The following DLG2 variants were observed in gnomAD, a reference collection of about 807,000 sequenced individuals.
DLG2 encodes disks large homolog 2.
In DLG2, 45 loss-of-function variants were observed where a neutral mutation model predicts 132.5. The ratio of observed to expected loss-of-function variants is 0.34; its 90% CI spans 0.27 to 0.44. The LOEUF is 0.44. Among genes scored for constraint, DLG2 ranks in the 20% least tolerant of loss-of-function variants. The pLI, the probability that DLG2 is intolerant of heterozygous loss-of-function variation, is 1.00. For synonymous variants in DLG2, 424 were observed against 419.6 expected, an observed-to-expected ratio of 1.01 and a Z score of -0.13; for missense variants, 1,045 against 1,196.9, an observed-to-expected ratio of 0.87 and a Z score of 1.87.
chr11:84,338,026 C>T (rs1056928525), intron 7 of DLG2, among the ~76,000 whole-genome samples: 5 of 152,036 alleles, frequency 3.3e-5, no homozygotes, highest in Non-Finnish European at 7.4e-5. Context: ...AAATATAAAA[C>T]TCATTGAAAG....
chr11:85,392,029 C>G (rs1315836443), intron 3 of DLG2, among the ~76,000 whole-genome samples: 1 of 151,974 alleles, frequency 6.6e-6, no homozygotes, highest in Admixed American at 6.6e-5. Context: ...GATTACATAC[C>G]TAGAAAACCC....
chr11:83,471,593 G>A, intron 24 of DLG2, 33 bp downstream of exon 24: 1 of 1,500,312 alleles, frequency 6.7e-7, no homozygotes, highest in Non-Finnish European at 9.3e-7. Flanking sequence ...AGCTCTTTTT[G>A]TTTTTCCTAG....
At chr11:85,183,303 T>A (rs547770975) in intron 4 of DLG2, among the ~76,000 whole-genome samples, 33 of 152,020 alleles carry the variant, frequency 2.2e-4, no homozygotes, top group African/African-American at 7.9e-4. Context: ...TCATTACCAT[T>A]GTTAATTAAC....
intron 18 of DLG2, among the ~76,000 whole-genome samples, chr11:83,769,657 G>A (rs970011708): frequency 6.0e-5 from 9 of 149,960 alleles, no homozygotes; most frequent in East Asian, 2.0e-4. Flanking sequence ...TTCTCTTTCC[G>A]GGGTCAAACT....
intron 6 of DLG2, among the ~76,000 whole-genome samples, chr11:84,755,488 A>G (rs1225099953): frequency 6.6e-6 from 1 of 152,158 alleles, no homozygotes; most frequent in African/African-American, 2.4e-5. Context: ...TAGTGGCACA[A>G]CCTCGGCTCA....
intron 15 of DLG2, among the ~76,000 whole-genome samples, chr11:83,928,600 A>T (rs956738562): frequency 6.6e-6 from 1 of 151,960 alleles, no homozygotes; most frequent in African/African-American, 2.4e-5. Context: ...ATGGGGGGAA[A>T]TTTTTTTCCA....
chr11:83,651,836 T>C (rs1298078704), intron 18 of DLG2: 1 of 471,038 alleles, frequency 2.1e-6, no homozygotes, highest in African/African-American at 2.0e-5. Context: ...ATTTGCTCCC[T>C]ACCTGGCTCA....
intron 3 of DLG2, among the ~76,000 whole-genome samples, chr11:85,288,358 T>C (rs1159526605): frequency 6.6e-6 from 1 of 152,110 alleles, no homozygotes; most frequent in Non-Finnish European, 1.5e-5. Flanking sequence ...TCTGTACAGA[T>C]ATACATCTTT....
chr11:84,095,956 G>T (rs1483636519), intron 10 of DLG2, among the ~76,000 whole-genome samples: 1 of 151,990 alleles, frequency 6.6e-6, no homozygotes, highest in East Asian at 1.9e-4. Context: ...ATGGGTAGAG[G>T]CCAAAAAAAG....
intron 7 of DLG2, among the ~76,000 whole-genome samples, chr11:84,396,502 C>T (rs2098811569): frequency 6.6e-6 from 1 of 152,076 alleles, no homozygotes; most frequent in Admixed American, 6.5e-5. Flanking sequence ...TGAATGAGAA[C>T]CCTTCTACTC....
At chr11:85,230,889 C>A (rs757775358) in intron 4 of DLG2, among the ~76,000 whole-genome samples, 5 of 151,896 alleles carry the variant, frequency 3.3e-5, no homozygotes, top group Non-Finnish European at 7.4e-5. Flanking sequence ...TTTTGACCTG[C>A]TCCTCTTCCA....
intron 6 of DLG2, among the ~76,000 whole-genome samples, chr11:84,591,223 C>CTCTGTGTGTGTGTGTGTGTG (rs1555073566): frequency 6.5e-4 from 90 of 139,286 alleles, no homozygotes; most frequent in Non-Finnish European, 9.8e-4. Flanking sequence ...ATGTGTCTCT[C>CTCTGTGTGTGTGTGTGTGTG]TGTGTGTGTG....
intron 11 of DLG2, among the ~76,000 whole-genome samples, chr11:83,982,744 C>A (rs975018236): frequency 6.6e-6 from 1 of 152,122 alleles, no homozygotes. Context: ...ACTCATTACT[C>A]ATTCACTGAT....
intron 10 of DLG2, among the ~76,000 whole-genome samples, chr11:84,071,735 G>T (rs1458074659): frequency 6.6e-6 from 1 of 152,156 alleles, no homozygotes; most frequent in East Asian, 1.9e-4. Flanking sequence ...GTCCTCAATT[G>T]CTCTCCATTG....
intron 3 of DLG2, among the ~76,000 whole-genome samples, chr11:85,533,344 A>AT (rs925981625): frequency 8.6e-5 from 13 of 151,172 alleles, no homozygotes; most frequent in East Asian, 1.9e-4. Context: ...TTTTATTGTG[A>AT]TTTTTTTTAA....
chr11:85,222,194 G>T (rs767369437), intron 4 of DLG2, among the ~76,000 whole-genome samples: 6 of 152,042 alleles, frequency 3.9e-5, no homozygotes, highest in Non-Finnish European at 8.8e-5. Context: ...TCTAACTCCT[G>T]ACCTCAAGTG....
At position 83,581,928 on chromosome 11, in the gene DLG2, T is replaced by C. The variant is rs538525997; in HGVS notation, c.1941-40070A>G. On this transcript the variant is annotated intron_variant, in intron 19 of 27. Transcript: ENST00000376104. ...CTTTTCATTTTGATGTTCTTGAATT[T>C]AGAATTCTGAGTTTGGACTCTTTTT... 9.0e-4 allele frequency among the ~76,000 whole-genome samples: 132 copies of C among 146,932 alleles called. 1 individual carries two copies. The South Asian group carries it at 9.3e-3, about 10-fold the overall frequency.
chr11:84,356,332 G>A (rs2098611246), intron 7 of DLG2, among the ~76,000 whole-genome samples: 1 of 152,062 alleles, frequency 6.6e-6, no homozygotes, highest in Admixed American at 6.6e-5. Flanking sequence ...ATTGTTCTAA[G>A]CCCTGTGGAT....
At chr11:84,603,315 A>G (rs764580448) in intron 6 of DLG2, among the ~76,000 whole-genome samples, 25 of 151,970 alleles carry the variant, frequency 1.6e-4, no homozygotes, top group African/African-American at 2.2e-4. Context: ...CATTCCATAT[A>G]TATTTCTAAA....
Sources: allele counts gnomAD v4.1 joint callset (sites outside exome capture counted in the v4.1 genomes callset), GRCh38; gene constraint gnomAD v4.1.1; transcripts MANE v1.5; gene names NCBI Gene and HGNC (gene_info 2026-07-23, HGNC 2026-07-21).